ISM1: variants seen among roughly 807,000 people sequenced by gnomAD.
The protein encoded by ISM1 is isthmin 1, also known as isthmin-1.
A neutral mutation model predicts 46.3 loss-of-function variants in ISM1; 25 were observed. That is an observed-to-expected ratio of 0.54 (90% CI 0.39 to 0.75). ISM1 has a LOEUF of 0.75. ISM1 is among the 30% of genes least tolerant of loss of function. The probability of loss-of-function intolerance (pLI) is 0.00; values close to 1 mark genes in which losing one functional copy is unlikely to be tolerated. For missense variants in ISM1, 536 were observed against 625.4 expected, an observed-to-expected ratio of 0.86 and a Z score of 1.52; for synonymous variants, 255 against 256.7, an observed-to-expected ratio of 0.99 and a Z score of 0.06.
intron 1 of ISM1, among the ~76,000 whole-genome samples, chr20:13,234,178 C>T (rs1288568694): frequency 2.0e-5 from 3 of 152,116 alleles, no homozygotes; most frequent in East Asian, 3.9e-4. Context: ...CGTGTATGCC[C>T]ATTGTTTAGC....
intron 5 of ISM1, among the ~76,000 whole-genome samples, chr20:13,296,736 T>A (rs1290339807): frequency 6.6e-6 from 1 of 152,184 alleles, no homozygotes; most frequent in Non-Finnish European, 1.5e-5. Flanking sequence ...ATGCATTTTG[T>A]CAGCCAGGCG....
chr20:13,255,026 A>C (rs2039910996), intron 1 of ISM1, among the ~76,000 whole-genome samples: 1 of 152,206 alleles, frequency 6.6e-6, no homozygotes, highest in African/African-American at 2.4e-5. Context: ...CATGGTTCTG[A>C]CATCCTGGTA....
At chr20:13,261,198 G>A (rs2039985476) in intron 1 of ISM1, among the ~76,000 whole-genome samples, 1 of 152,142 alleles carries the variant, frequency 6.6e-6, no homozygotes, top group South Asian at 2.1e-4. Flanking sequence ...TGGATCACCT[G>A]AGGTCAGGAA....
Position 13,221,907 on chromosome 20 carries a change from A to G in ISM1, c.131A>G (p.Gln44Arg). The G allele has an allele frequency of 2.2e-6, 3 of 1,366,782 alleles. No individual in the cohort carries two copies. Among genetic ancestry groups the G allele is most frequent in the Non-Finnish European group, 2.8e-6 (3 of 1,067,432 alleles). 84.7% of individuals were successfully genotyped at this position (1,366,782 alleles called of 1,614,324 possible). Residue 44 changes from glutamine (Q) to arginine (R), a missense_variant, in exon 1 of 6, where the codon CAG (glutamine) becomes CGG (arginine). Transcript: ENST00000262487. ...GCCGCGGGCAACGCCAGCCAAGCCCAGCTGCAGGTGAGTGCGCCGCCGGAG... is the reference window on the plus strand; with the variant it reads ...GCCGCGGGCAACGCCAGCCAAGCCCGGCTGCAGGTGAGTGCGCCGCCGGAG... ...DAAAGNASQA[Q>R]LQNNLNVGSD... is the part of the protein sequence containing the mutation.
chr20:13,316,638 A>T, the ISM1 span, among the ~76,000 whole-genome samples: 1 of 151,966 alleles, frequency 6.6e-6, no homozygotes, highest in Non-Finnish European at 1.5e-5. Flanking sequence ...TCAACATGTG[A>T]AAATTAATTA....
At chr20:13,266,955 G>A (rs1037443665) in intron 1 of ISM1, among the ~76,000 whole-genome samples, 1 of 152,174 alleles carries the variant, frequency 6.6e-6, no homozygotes, top group Non-Finnish European at 1.5e-5. Context: ...AAGTCCCTTT[G>A]AGAAGAGATA....
chr20:13,233,438 A>G (rs1486518544), intron 1 of ISM1, among the ~76,000 whole-genome samples: 2 of 151,960 alleles, frequency 1.3e-5, no homozygotes, highest in Non-Finnish European at 2.9e-5. Flanking sequence ...TCTACTGACA[A>G]TACAAAATTA....
At chr20:13,320,844 C>T in the ISM1 span, among the ~76,000 whole-genome samples, 1 of 152,136 alleles carries the variant, frequency 6.6e-6, no homozygotes, top group Non-Finnish European at 1.5e-5. Context: ...TTTCTTTTTA[C>T]ATCCCATTGA....
intron 1 of ISM1, among the ~76,000 whole-genome samples, chr20:13,242,502 C>G (rs879892798): frequency 2.4e-4 from 36 of 152,200 alleles, no homozygotes; most frequent in Non-Finnish European, 4.6e-4. Context: ...GGAGGAAAAG[C>G]CCGAGAAGGT....
Position 13,270,478 on chromosome 20 carries a change from G to T in ISM1, c.139-26G>T, listed in dbSNP as rs189387246. 678 of 1,594,952 alleles carry T rather than the reference G, an allele frequency of 4.3e-4. 4 individuals carry two copies. The African/African-American group carries it at 8.4e-3, about 20-fold the overall frequency. Reference sequence around the variant, plus strand: ...TTTTTAATCATGTGTCTCCTTAACAGGTGTTTGCTTGTTTGTTTGTTTTAG... The same window carrying T: ...TTTTTAATCATGTGTCTCCTTAACATGTGTTTGCTTGTTTGTTTGTTTTAG... On this transcript the variant is annotated intron_variant, in intron 1 of 5. Coordinates refer to ENST00000262487, the MANE Select transcript of ISM1 (RefSeq NM_080826.2).
rs2040388222 is a variant in ISM1, at chr20:13,294,565, G to A, written c.877+2102G>A. On this transcript the variant is annotated intron_variant, in intron 5 of 5. Transcript: ENST00000262487. ...TTGGCATGTGGCTAAGGACACCAGA[G>A]CTGAGTAGACATGGTGTCTCAGTCA... is the stretch of plus-strand genomic sequence containing the variant. Among the ~76,000 whole-genome samples the A allele has an allele frequency of 2.0e-5, 3 of 152,290 alleles. No homozygotes were observed. In the South Asian group the frequency reaches 6.2e-4, roughly 32 times the overall value.
the ISM1 span, among the ~76,000 whole-genome samples, chr20:13,318,519 CA>C: frequency 6.6e-6 from 1 of 152,088 alleles, no homozygotes; most frequent in Admixed American, 6.5e-5. Flanking sequence ...CACACAAAAA[CA>C]AAAAAACCTG....
intron 2 of ISM1, among the ~76,000 whole-genome samples, chr20:13,273,240 A>ATTTTATTTTATTT (rs769456355): frequency 6.7e-6 from 1 of 149,668 alleles, no homozygotes. Context: ...ATTTTATTTT[A>ATTTTATTTTATTT]TTTTATTTTA....
downstream of ISM1, among the ~76,000 whole-genome samples, chr20:13,303,571 C>A (rs889105039): frequency 6.6e-6 from 1 of 152,204 alleles, no homozygotes; most frequent in Non-Finnish European, 1.5e-5. Context: ...TCCAGCACTG[C>A]ACCTGGCATG....
Position 13,221,933 on chromosome 20 carries a change from A to G in ISM1, c.138+19A>G. 1 of 1,322,608 alleles carries G rather than the reference A, an allele frequency of 7.6e-7. No individual in the cohort carries two copies. Among genetic ancestry groups the G allele is most frequent in the African/African-American group, 1.5e-5 (1 of 64,824 alleles). 81.9% of individuals were successfully genotyped at this position (1,322,608 alleles called of 1,614,324 possible). A position where few individuals can be genotyped will look rare whatever the true frequency, so the allele number is the denominator to read the frequency against. On this transcript the variant is annotated intron_variant, in intron 1 of 5. Coordinates refer to ENST00000262487, the MANE Select transcript of ISM1 (RefSeq NM_080826.2). ...GCTGCAGGTGAGTGCGCCGCCGGAG[A>G]GGGCCGTGCGCGGCTGCGGGGACGG...
intron 1 of ISM1, among the ~76,000 whole-genome samples, chr20:13,242,557 A>G (rs969548828): frequency 1.3e-5 from 2 of 152,160 alleles, no homozygotes; most frequent in African/African-American, 2.4e-5. Flanking sequence ...GCTGAGTCCA[A>G]TTAAGTGTTC....
At chr20:13,231,663 T>C (rs1349149555) in intron 1 of ISM1, among the ~76,000 whole-genome samples, 1 of 152,206 alleles carries the variant, frequency 6.6e-6, no homozygotes, top group East Asian at 1.9e-4. Flanking sequence ...ATGCACATTT[T>C]AGTAAACCCA....
intron 1 of ISM1, among the ~76,000 whole-genome samples, chr20:13,260,311 T>C (rs1414290127): frequency 6.6e-6 from 1 of 152,212 alleles, no homozygotes; most frequent in Non-Finnish European, 1.5e-5. Context: ...AGGTGCATCA[T>C]GAAAGCACAA....
intron 3 of ISM1, among the ~76,000 whole-genome samples, chr20:13,286,304 A>G (rs998248993): frequency 6.7e-6 from 1 of 149,408 alleles, no homozygotes; most frequent in Non-Finnish European, 1.5e-5. Context: ...ACTGAGAGAC[A>G]CCAGACTGCA....
Sources: gnomAD v4.1 joint callset for allele counts (sites outside exome capture counted in the v4.1 genomes callset) on GRCh38, gnomAD v4.1.1 for gene constraint, MANE v1.5 for transcripts, NCBI Gene and HGNC (gene_info 2026-07-23, HGNC 2026-07-21) for gene names.